ASAP1: variants seen among roughly 807,000 people sequenced by gnomAD.
The protein encoded by ASAP1 is arf-GAP with SH3 domain, ANK repeat and PH domain-containing protein 1.
Under a neutral mutation model 145.2 loss-of-function variants are expected in ASAP1, and 43 were observed. That is an observed-to-expected ratio of 0.30 (90% CI 0.23 to 0.38). The LOEUF (loss-of-function observed/expected upper bound fraction) is 0.38. Ranked by LOEUF, ASAP1 falls within the 10% of genes least tolerant of loss-of-function variation. The pLI is 1.00. For missense variants in ASAP1, 1,018 were observed against 1,355.3 expected (o/e 0.75, Z 3.91); for synonymous variants, 546 against 515.5 (o/e 1.06, Z -0.80).
At chr8:130,422,279 G>C (rs367803841) in intron 1 of ASAP1, among the ~76,000 whole-genome samples, 1 of 152,224 alleles carries the variant, frequency 6.6e-6, no homozygotes, top group Non-Finnish European at 1.5e-5. Flanking sequence ...TGAAGCCGAT[G>C]AGGACTCTGG....
chr8:130,111,992 A>G (rs1207181285), intron 24 of ASAP1, 102 bp downstream of exon 24: 2 of 1,122,252 alleles, frequency 1.8e-6, no homozygotes, highest in Non-Finnish European at 2.6e-6. Context: ...ACTCAAATGT[A>G]CCTTGCAATT....
intron 3 of ASAP1, among the ~76,000 whole-genome samples, chr8:130,274,553 C>A (rs1820767551): frequency 6.6e-6 from 1 of 152,250 alleles, no homozygotes; most frequent in Non-Finnish European, 1.5e-5. Context: ...AACCCCGCCA[C>A]ACAATATCAA....
intron 26 of ASAP1, among the ~76,000 whole-genome samples, chr8:130,077,680 A>C (rs2097466478): frequency 6.6e-6 from 1 of 151,794 alleles, no homozygotes; most frequent in Non-Finnish European, 1.5e-5. Flanking sequence ...TGCATTTAAA[A>C]GAAAAGAAAA....
intron 3 of ASAP1, among the ~76,000 whole-genome samples, chr8:130,241,151 T>C (rs1228627776): frequency 6.6e-6 from 1 of 152,102 alleles, no homozygotes; most frequent in African/African-American, 2.4e-5. Context: ...TTGCTCTGCC[T>C]AGAACTCTTC....
At chr8:130,414,998 T>C (rs1369760393) in intron 1 of ASAP1, among the ~76,000 whole-genome samples, 1 of 152,166 alleles carries the variant, frequency 6.6e-6, no homozygotes, top group East Asian at 1.9e-4. Context: ...CCTCAGGTGA[T>C]CCCCCCACCT....
At chr8:130,066,044 C>T (rs1564920120) in intron 27 of ASAP1, among the ~76,000 whole-genome samples, 1 of 152,222 alleles carries the variant, frequency 6.6e-6, no homozygotes, top group Non-Finnish European at 1.5e-5. Context: ...AGCTTATTTA[C>T]ATGAGGAAGC....
chr8:130,302,180 G>C (rs1349561868), intron 3 of ASAP1, among the ~76,000 whole-genome samples: 1 of 152,226 alleles, frequency 6.6e-6, no homozygotes, highest in African/African-American at 2.4e-5. Context: ...GAAAAACCAT[G>C]TACAACTTTT....
chr8:130,331,813 T>A (rs946888663), intron 3 of ASAP1, among the ~76,000 whole-genome samples: 2 of 151,880 alleles, frequency 1.3e-5, no homozygotes, highest in Non-Finnish European at 2.9e-5. Flanking sequence ...CACACACACA[T>A]GCAAACACAC....
intron 2 of ASAP1, among the ~76,000 whole-genome samples, chr8:130,396,279 A>C (rs994831692): frequency 2.3e-4 from 35 of 152,388 alleles, no homozygotes; most frequent in African/African-American, 7.9e-4. Context: ...GATAAGCTCA[A>C]GAAGGCTTTG....
intron 5 of ASAP1, among the ~76,000 whole-genome samples, chr8:130,213,160 T>G (rs1260335643): frequency 1.3e-5 from 2 of 152,246 alleles, no homozygotes; most frequent in Non-Finnish European, 2.9e-5. Context: ...ATGGATTTGT[T>G]AAATCCAAAA....
intron 3 of ASAP1, among the ~76,000 whole-genome samples, chr8:130,261,143 C>T (rs1819871759): frequency 6.6e-6 from 1 of 152,212 alleles, no homozygotes. Context: ...GGCCCCTCAG[C>T]TCCTGCATGC....
intron 2 of ASAP1, among the ~76,000 whole-genome samples, chr8:130,392,259 A>AC (rs1252779791): frequency 1.3e-5 from 2 of 152,222 alleles, no homozygotes; most frequent in African/African-American, 4.8e-5. Flanking sequence ...CTAAAGGGAG[A>AC]CCTGCTGCCT....
intron 7 of ASAP1, among the ~76,000 whole-genome samples, chr8:130,186,935 A>T (rs1814773274): frequency 6.6e-6 from 1 of 152,238 alleles, no homozygotes; most frequent in Non-Finnish European, 1.5e-5. Context: ...CATGCTATCT[A>T]TAATGAGAGT....
intron 2 of ASAP1, among the ~76,000 whole-genome samples, chr8:130,374,495 G>A (rs561234279): frequency 3.2e-4 from 48 of 152,346 alleles, no homozygotes; most frequent in Admixed American, 1.1e-3. Context: ...GGTGGCGCAC[G>A]CCTGTAATCC....
chr8:130,074,671 C>G (rs2135260104), intron 27 of ASAP1, among the ~76,000 whole-genome samples: 1 of 152,244 alleles, frequency 6.6e-6, no homozygotes, highest in Admixed American at 6.5e-5. Flanking sequence ...ACCTTAGGAC[C>G]ACGGCCACCA....
intron 5 of ASAP1, among the ~76,000 whole-genome samples, chr8:130,201,248 G>A (rs545678440): frequency 6.6e-6 from 1 of 152,314 alleles, no homozygotes; most frequent in Admixed American, 6.5e-5. Flanking sequence ...ACTTGCCTAT[G>A]GTCTAAGGCA....
At chr8:130,301,469 C>T (rs1486339838) in intron 3 of ASAP1, among the ~76,000 whole-genome samples, 1 of 152,180 alleles carries the variant, frequency 6.6e-6, no homozygotes, top group African/African-American at 2.4e-5. Context: ...GTGTTCTCTG[C>T]CTTGTGCTTG....
chr8:130,393,526 C>A lies in ASAP1; in HGVS notation c.59+8359G>T, dbSNP rs144597071. ...GTCCCAGCACTTTGGGAGGCCAAGG[C>A]GGGCAGATCACTTGAGGTCAGGAGT... On this transcript the variant is annotated intron_variant, in intron 2 of 29. Coordinates refer to ENST00000518721, the MANE Select transcript of ASAP1 (RefSeq NM_018482.4). Among the ~76,000 whole-genome samples the A allele has an allele frequency of 6.0e-4, 91 of 152,298 alleles. 2 individuals carry two copies. In the East Asian group the frequency reaches 0.015, roughly 25 times the overall value.
chr8:130,103,615 G>C (rs906801831), intron 24 of ASAP1, among the ~76,000 whole-genome samples: 1 of 152,098 alleles, frequency 6.6e-6, no homozygotes, highest in African/African-American at 2.4e-5. Context: ...GTGATTTTCT[G>C]CCTCAGCCTC....
Sources: allele counts gnomAD v4.1 joint callset (sites outside exome capture counted in the v4.1 genomes callset), GRCh38; gene constraint gnomAD v4.1.1; transcripts MANE v1.5; gene names NCBI Gene and HGNC (gene_info 2026-07-23, HGNC 2026-07-21).